Variants in SNCAIP observed in about 807,000 individuals in gnomAD.
The protein encoded by SNCAIP is synuclein alpha interacting protein.
In SNCAIP, 43 loss-of-function variants were observed where a neutral mutation model predicts 86.7. That is an observed-to-expected ratio of 0.50 (90% CI 0.39 to 0.64). The LOEUF is 0.64. Among genes scored for constraint, SNCAIP ranks in the 30% least tolerant of loss-of-function variants. The pLI is 0.00. For synonymous variants in SNCAIP, 417 were observed against 427.2 expected (o/e 0.98, Z 0.29); for missense variants, 981 against 1,103.1 (o/e 0.89, Z 1.57).
At chr5:122,385,115 T>C (rs1561636990) in intron 1 of SNCAIP, among the ~76,000 whole-genome samples, 1 of 152,174 alleles carries the variant, frequency 6.6e-6, no homozygotes, top group Non-Finnish European at 1.5e-5. Context: ...CTCCAAGGTC[T>C]AGATTGGGTG....
intron 7 of SNCAIP, 65 bp from the exon 8 acceptor site, chr5:122,444,498 T>C (rs1781848976): frequency 1.4e-6 from 2 of 1,442,414 alleles, no homozygotes; most frequent in South Asian, 2.3e-5. Context: ...AACATTCTGT[T>C]ACAGTCATTA....
intron 1 of SNCAIP, among the ~76,000 whole-genome samples, chr5:122,329,391 G>T (rs531218474): frequency 3.3e-5 from 5 of 151,936 alleles, no homozygotes; most frequent in African/African-American, 9.7e-5. Flanking sequence ...TGAACCTCCC[G>T]GTGTCTCCCA....
At chr5:122,339,994 A>T (rs1009548296) in intron 1 of SNCAIP, among the ~76,000 whole-genome samples, 4 of 152,174 alleles carry the variant, frequency 2.6e-5, no homozygotes, top group African/African-American at 9.7e-5. Flanking sequence ...TATAATCTAT[A>T]AAAAAATGGA....
intron 2 of SNCAIP, among the ~76,000 whole-genome samples, chr5:122,399,973 C>A (rs1281546263): frequency 6.6e-6 from 1 of 152,026 alleles, no homozygotes; most frequent in Non-Finnish European, 1.5e-5. Context: ...GGTCCAGAGA[C>A]CACACTTTGA....
chr5:122,428,597 T>C (rs554678212), intron 5 of SNCAIP, among the ~76,000 whole-genome samples: 1 of 152,070 alleles, frequency 6.6e-6, no homozygotes, highest in East Asian at 1.9e-4. Context: ...TTATTTTTAT[T>C]TATTTATTTA....
intron 3 of SNCAIP, among the ~76,000 whole-genome samples, chr5:122,412,784 G>T (rs541359277): frequency 6.6e-6 from 1 of 152,166 alleles, no homozygotes. Flanking sequence ...CCTGCCTGAC[G>T]TGTTCCTCCT....
At chr5:122,323,664 A>G (rs1220426238) in intron 1 of SNCAIP, among the ~76,000 whole-genome samples, 1 of 152,182 alleles carries the variant, frequency 6.6e-6, no homozygotes, top group Non-Finnish European at 1.5e-5. Context: ...CAGTGAAATG[A>G]AGTTTTCTAT....
At chr5:122,382,871 G>C (rs1767197299) in intron 1 of SNCAIP, among the ~76,000 whole-genome samples, 2 of 152,250 alleles carry the variant, frequency 1.3e-5, no homozygotes, top group Non-Finnish European at 2.9e-5. Flanking sequence ...AGGGGTCAGG[G>C]ACCCACTTGA....
At chr5:122,430,750 T>C (rs900660347) in intron 5 of SNCAIP, among the ~76,000 whole-genome samples, 2 of 136,600 alleles carry the variant, frequency 1.5e-5, no homozygotes, top group Non-Finnish European at 3.3e-5. Flanking sequence ...TTTTTAAAAA[T>C]TATGAGGGTA....
chr5:122,425,878 T>A (rs1173589490), intron 5 of SNCAIP, among the ~76,000 whole-genome samples: 1 of 152,198 alleles, frequency 6.6e-6, no homozygotes, highest in East Asian at 1.9e-4. Flanking sequence ...GCAAGACGAA[T>A]GTGGGGAAGG....
At position 122,403,973 on chromosome 5, in the gene SNCAIP, C is replaced by T. The variant is rs531021417; in HGVS notation, c.130+108C>T. 3.7e-6 allele frequency: 3 copies of T among 813,572 alleles called. No individual in the cohort carries two copies. In the East Asian group the frequency reaches 7.8e-5, roughly 21 times the overall value. The allele number at this position is 813,572 out of a possible 1,614,324, so 50.4% of individuals were successfully genotyped here. On this transcript the variant is annotated intron_variant, in intron 3 of 10. Coordinates refer to ENST00000261368, the MANE Select transcript of SNCAIP (RefSeq NM_005460.4). Reference sequence around the variant, plus strand: ...CCCCCTGCTTTCAGTTTTCTTTTCTCTTTACGGCTTCTCCACTCACACCAC... The same window carrying T: ...CCCCCTGCTTTCAGTTTTCTTTTCTTTTTACGGCTTCTCCACTCACACCAC...
chr5:122,382,764 C>G (rs561636354), intron 1 of SNCAIP, among the ~76,000 whole-genome samples: 1 of 152,276 alleles, frequency 6.6e-6, no homozygotes, highest in African/African-American at 2.4e-5. Context: ...TTCTAACAGA[C>G]AGGACCCTCA....
At chr5:122,364,798 T>G (rs1286928150) in intron 1 of SNCAIP, among the ~76,000 whole-genome samples, 1 of 152,154 alleles carries the variant, frequency 6.6e-6, no homozygotes, top group Non-Finnish European at 1.5e-5. Context: ...AGACCTGTCT[T>G]CTCCCCACCT....
In SNCAIP at chr5:122,391,168, ATTGAC is replaced by A; in HGVS notation, c.37_41del (p.Asp13Ter). The A allele has an allele frequency of 6.2e-7, 1 of 1,611,468 alleles. No homozygotes were observed. The highest frequency in any genetic ancestry group is 8.5e-7 in the Non-Finnish European group (1 of 1,177,600). On this transcript the variant is annotated frameshift_variant, in exon 2 of 11. Coordinates refer to ENST00000261368, the MANE Select transcript of SNCAIP (RefSeq NM_005460.4). LOFTEE classifies it high-confidence loss of function. ...CCCTGAATACCTTGATTTGGATGAA[ATTGAC>A]TTTAGTGATGACATATCTGTAAGTA...
chr5:122,316,159 G>T (rs1751673991), intron 1 of SNCAIP, among the ~76,000 whole-genome samples: 1 of 152,168 alleles, frequency 6.6e-6, no homozygotes, highest in African/African-American at 2.4e-5. Flanking sequence ...GTGCACTATT[G>T]TATATAGTTA....
chr5:122,321,549 T>A (rs749313912), intron 1 of SNCAIP: 1 of 152,252 alleles, frequency 6.6e-6, no homozygotes, highest in African/African-American at 2.4e-5. Context: ...AATATGTCTT[T>A]GTCATCTTTC....
intron 1 of SNCAIP, among the ~76,000 whole-genome samples, chr5:122,318,650 G>C (rs1752315154): frequency 6.6e-6 from 1 of 152,180 alleles, no homozygotes; most frequent in Non-Finnish European, 1.5e-5. Context: ...CATGAAGACA[G>C]ATTCTCTTTG....
intron 3 of SNCAIP, among the ~76,000 whole-genome samples, chr5:122,415,577 T>A (rs564394215): frequency 6.6e-6 from 1 of 152,332 alleles, no homozygotes; most frequent in South Asian, 2.1e-4. Flanking sequence ...CAGTTGGAAA[T>A]GGAGAGAAGA....
At chr5:122,452,847 G>A (rs1783986770) in intron 10 of SNCAIP, 2 of 878,232 alleles carry the variant, frequency 2.3e-6, no homozygotes, top group Non-Finnish European at 3.7e-6. Context: ...CTTCCTGCAT[G>A]CTTCATGTTT....
Sources: gnomAD v4.1 joint callset for allele counts (sites outside exome capture counted in the v4.1 genomes callset) on GRCh38, gnomAD v4.1.1 for gene constraint, MANE v1.5 for transcripts, NCBI Gene and HGNC (gene_info 2026-07-23, HGNC 2026-07-21) for gene names.